PTPRN2: variants seen among roughly 807,000 people sequenced by gnomAD.
PTPRN2 encodes the protein protein tyrosine phosphatase receptor type N2, also known as receptor-type tyrosine-protein phosphatase N2.
Under a neutral mutation model 118.8 loss-of-function variants are expected in PTPRN2, and 74 were observed. The observed-to-expected ratio is 0.62, with a 90% CI of 0.52 to 0.76. PTPRN2 has a LOEUF of 0.76. PTPRN2 is among the 30% of genes least tolerant of loss of function. The pLI is 0.00. For missense variants in PTPRN2, 1,481 were observed against 1,394.4 expected (o/e 1.06, Z -0.99); for synonymous variants, 641 against 608.0 (o/e 1.05, Z -0.80).
At chr7:157,541,469 G>A (rs1019661195) in intron 22 of PTPRN2, among the ~76,000 whole-genome samples, 5 of 152,252 alleles carry the variant, frequency 3.3e-5, no homozygotes, top group African/African-American at 1.2e-4. Flanking sequence ...ACGGGTTCAC[G>A]ATGCCAGGAC....
intron 1 of PTPRN2, among the ~76,000 whole-genome samples, chr7:158,499,157 T>TATCATCATTATC (rs1466799156): frequency 2.6e-5 from 4 of 152,186 alleles, no homozygotes; most frequent in Admixed American, 6.5e-5. Flanking sequence ...ATGTGAGTTA[T>TATCATCATTATC]ATCATCATTA....
intron 12 of PTPRN2, among the ~76,000 whole-genome samples, chr7:157,812,212 C>G (rs1347882615): frequency 2.0e-5 from 3 of 152,194 alleles, no homozygotes; most frequent in Non-Finnish European, 2.9e-5. Flanking sequence ...GTGAGGTCCG[C>G]TCATTAGATC....
intron 12 of PTPRN2, among the ~76,000 whole-genome samples, chr7:157,696,206 G>A (rs1410818459): frequency 6.9e-6 from 1 of 145,708 alleles, no homozygotes; most frequent in African/African-American, 2.6e-5. Flanking sequence ...CATGCACACT[G>A]GGTCTTGGCA....
At chr7:158,059,333 A>C (rs553606505) in intron 11 of PTPRN2, among the ~76,000 whole-genome samples, 1 of 134,168 alleles carries the variant, frequency 7.5e-6, no homozygotes, top group East Asian at 2.3e-4. Flanking sequence ...GTGACGCATC[A>C]CTGCAGCCAC....
intron 12 of PTPRN2, among the ~76,000 whole-genome samples, chr7:157,719,200 T>C (rs1446601045): frequency 2.0e-5 from 3 of 152,216 alleles, no homozygotes; most frequent in South Asian, 4.1e-4. Context: ...CCCTGGGCCC[T>C]GTGTGGCCGC....
Position 158,424,317 on chromosome 7 carries a change from C to T in PTPRN2, c.163+65418G>A, listed in dbSNP as rs117419304. 7.3e-3 allele frequency among the ~76,000 whole-genome samples: 1,106 copies of T among 152,330 alleles called. 5 individuals are homozygous for T. The highest frequency in any genetic ancestry group is 0.013 in the Non-Finnish European group (869 of 68,030). On this transcript the variant is annotated intron_variant, in intron 2 of 22. Transcript: ENST00000389418. ...TGAAGCAAGGCGTCGTATCGATTCC[C>T]CCAGCTGTAATGGAATTCCGTCAAG...
At position 157,674,734 on chromosome 7, in the gene PTPRN2, G is replaced by T. The variant is rs973577193; in HGVS notation, c.2001+7991C>A. On this transcript the variant is annotated intron_variant, in intron 13 of 22. Transcript: ENST00000389418. The surrounding 1 kb of genome is among the most constrained non-coding windows in gnomAD (Gnocchi z 4.5). ...GGCCCCAAGGTGAGGCCCCGCGCAG[G>T]TACCTCTGTACACGCCTGTGGAGTC... 1.3e-4 allele frequency among the ~76,000 whole-genome samples: 20 copies of T among 152,324 alleles called. No homozygotes were observed. The Middle Eastern group carries it at 0.01, about 78-fold the overall frequency.
At chr7:158,440,911 A>G (rs62649334) in intron 2 of PTPRN2, among the ~76,000 whole-genome samples, 2,109 of 97,246 alleles carry the variant, frequency 0.022, 33 homozygotes, top group East Asian at 0.025. Context: ...GACGGTGATG[A>G]TGATGGTAGT....
rs567851502 is a variant in PTPRN2 at position 158,562,000 on chromosome 7, C to T, written c.112+25558G>A. Among the ~76,000 whole-genome samples the T allele has an allele frequency of 1.2e-3, 183 of 152,296 alleles. 1 individual carries two copies. The highest frequency in any genetic ancestry group is 4.2e-3 in the African/African-American group (176 of 41,562). On this transcript the variant is annotated intron_variant, in intron 1 of 22. Transcript: ENST00000389418. ...GCTGCAGACCTGCCTCTCTCTCGTG[C>T]GAAGAGATTCACAAAGGGGCCAATG...
At chr7:158,047,478 C>T (rs150113173) in intron 11 of PTPRN2, among the ~76,000 whole-genome samples, 5 of 151,866 alleles carry the variant, frequency 3.3e-5, no homozygotes, top group South Asian at 2.1e-4. Context: ...AGTCACTGAG[C>T]GTGTGAGGCC....
intron 2 of PTPRN2, among the ~76,000 whole-genome samples, chr7:158,476,933 A>G (rs150959778): frequency 6.6e-6 from 1 of 152,360 alleles, no homozygotes; most frequent in East Asian, 1.9e-4. Flanking sequence ...ACCCAAACTG[A>G]GCTGAACTGA....
intron 1 of PTPRN2, among the ~76,000 whole-genome samples, chr7:158,578,051 C>A (rs557358435): frequency 6.6e-6 from 1 of 152,204 alleles, no homozygotes; most frequent in African/African-American, 2.4e-5. Context: ...AACACCCACC[C>A]GGCAAGCTCG....
At chr7:157,994,206 T>C (rs1182275571) in intron 11 of PTPRN2, among the ~76,000 whole-genome samples, 5 of 152,170 alleles carry the variant, frequency 3.3e-5, no homozygotes, top group African/African-American at 1.2e-4. Context: ...CCGATGCAGG[T>C]CAGGGCAGGT....
rs1036769357 is a variant in PTPRN2, at chr7:157,763,491, G to A, written c.1789-80554C>T. Among the ~76,000 whole-genome samples, 1 of 152,014 alleles carries A rather than the reference G, an allele frequency of 6.6e-6. No homozygotes were observed. The highest frequency in any genetic ancestry group is 1.5e-5 in the Non-Finnish European group (1 of 68,010). ...CCCTTCTCCTAGCCCCAAACCCCAC[G>A]GCACAGTTGGGGATCCTCTCGGCTG... is the stretch of plus-strand genomic sequence containing the variant. On this transcript the variant is annotated intron_variant, in intron 12 of 22. Coordinates refer to ENST00000389418, the MANE Select transcript of PTPRN2 (RefSeq NM_002847.5). This position sits in a 1 kb window ranked among gnomAD's most constrained non-coding sequence, Gnocchi z 4.9.
chr7:158,355,617 C>T (rs1808329567), intron 2 of PTPRN2, among the ~76,000 whole-genome samples: 1 of 152,206 alleles, frequency 6.6e-6, no homozygotes, highest in African/African-American at 2.4e-5. Flanking sequence ...GTGGAGAAGC[C>T]CGCAGCAGTG....
At chr7:157,721,367 G>A (rs1257025110) in intron 12 of PTPRN2, among the ~76,000 whole-genome samples, 1 of 152,236 alleles carries the variant, frequency 6.6e-6, no homozygotes, top group Non-Finnish European at 1.5e-5. Flanking sequence ...CGCATCATGA[G>A]CAATGTTGTA....
chr7:157,662,207 C>T (rs1795923691), intron 13 of PTPRN2, among the ~76,000 whole-genome samples: 2 of 152,154 alleles, frequency 1.3e-5, no homozygotes, highest in South Asian at 2.1e-4. Flanking sequence ...CCGACTTCAC[C>T]GCTGGGAGGA....
At chr7:158,175,626 A>G (rs1017159554) in intron 5 of PTPRN2, among the ~76,000 whole-genome samples, 51 of 152,098 alleles carry the variant, frequency 3.4e-4, no homozygotes, top group African/African-American at 1.2e-3. Context: ...ACTTTTTTGC[A>G]TTCAGGGAAG....
intron 3 of PTPRN2, among the ~76,000 whole-genome samples, chr7:158,305,948 A>G (rs1264573890): frequency 6.6e-6 from 1 of 152,062 alleles, no homozygotes; most frequent in Admixed American, 6.5e-5. Context: ...GGCAGTAAAA[A>G]CCAACAGCCT....
Sources: gnomAD v4.1 joint callset for allele counts (sites outside exome capture counted in the v4.1 genomes callset) on GRCh38, gnomAD v4.1.1 for gene constraint, Gnocchi (gnomAD v3.1) non-coding constraint, MANE v1.5 for transcripts, NCBI Gene and HGNC (gene_info 2026-07-23, HGNC 2026-07-21) for gene names.